The following SDK1 variants were observed in gnomAD, a reference collection of about 807,000 sequenced individuals.
SDK1 encodes protein sidekick-1.
Under a neutral mutation model 245.5 loss-of-function variants are expected in SDK1, and 157 were observed. The observed-to-expected ratio is 0.64, with a 90% CI of 0.56 to 0.73. SDK1 has a LOEUF of 0.73. Ranked by LOEUF, SDK1 falls within the 30% of genes least tolerant of loss-of-function variation. The pLI, the probability that SDK1 is intolerant of heterozygous loss-of-function variation, is 0.00. For missense variants in SDK1, 3,583 were observed against 3,002.3 expected (o/e 1.19, Z -4.52); for synonymous variants, 1,647 against 1,278.5 (o/e 1.29, Z -6.15).
At chr7:3,468,901 T>C (rs1024604557) in intron 1 of SDK1, among the ~76,000 whole-genome samples, 2 of 152,130 alleles carry the variant, frequency 1.3e-5, no homozygotes, top group African/African-American at 4.8e-5. Flanking sequence ...TTAGCATACC[T>C]TCAGAGGGTG....
chr7:3,853,228 G>A (rs1276269458), intron 5 of SDK1, among the ~76,000 whole-genome samples: 4 of 152,158 alleles, frequency 2.6e-5, no homozygotes, highest in African/African-American at 9.7e-5. Context: ...AAGATGGAAA[G>A]TAACCTATTG....
At chr7:3,391,966 A>AATATATATATAT (rs55768106) in intron 1 of SDK1, among the ~76,000 whole-genome samples, 31 of 144,028 alleles carry the variant, frequency 2.2e-4, no homozygotes, top group African/African-American at 8.0e-4. Flanking sequence ...TATATCATGT[A>AATATATATATAT]ATATATATAT....
chr7:3,652,292 G>C (rs1783035226), intron 4 of SDK1, among the ~76,000 whole-genome samples: 2 of 152,194 alleles, frequency 1.3e-5, no homozygotes, highest in South Asian at 4.1e-4. Context: ...TTCTCCAGTA[G>C]AGAAGGAGAA....
chr7:3,745,188 C>G (rs1779583795), intron 4 of SDK1, among the ~76,000 whole-genome samples: 1 of 152,184 alleles, frequency 6.6e-6, no homozygotes, highest in Middle Eastern at 3.2e-3. Flanking sequence ...CTCAAAGTCA[C>G]TTAGCTCAGT....
chr7:4,167,607 G>A (rs973682687), intron 32 of SDK1, among the ~76,000 whole-genome samples: 11 of 152,128 alleles, frequency 7.2e-5, no homozygotes, highest in Non-Finnish European at 1.3e-4. Context: ...GTTGAACTCC[G>A]GCAAGTCCCA....
At chr7:4,192,877 A>G (rs1012746307) in intron 35 of SDK1, among the ~76,000 whole-genome samples, 1 of 151,804 alleles carries the variant, frequency 6.6e-6, no homozygotes, top group Admixed American at 6.6e-5. Flanking sequence ...CAGACATCAT[A>G]TATAGAGGTT....
At chr7:3,545,681 A>G (rs1479626602) in intron 1 of SDK1, among the ~76,000 whole-genome samples, 3 of 152,190 alleles carry the variant, frequency 2.0e-5, no homozygotes, top group Non-Finnish European at 2.9e-5. Flanking sequence ...TGGCTGGTTC[A>G]GCATTTTACC....
chr7:3,905,410 T>A (rs950645333), intron 5 of SDK1, among the ~76,000 whole-genome samples: 20 of 152,226 alleles, frequency 1.3e-4, no homozygotes, highest in African/African-American at 4.8e-4. Context: ...CTTTCAATCC[T>A]TTGACACTTT....
At chr7:3,342,973 C>A (rs904619794) in intron 1 of SDK1, among the ~76,000 whole-genome samples, 5 of 140,866 alleles carry the variant, frequency 3.5e-5, no homozygotes, top group African/African-American at 1.1e-4. Context: ...AAATTAAAGC[C>A]ATAGGGAGAA....
intron 5 of SDK1, among the ~76,000 whole-genome samples, chr7:3,898,298 A>G (rs1781672264): frequency 6.6e-6 from 1 of 152,194 alleles, no homozygotes; most frequent in Non-Finnish European, 1.5e-5. Flanking sequence ...AACAGGTGCA[A>G]AGATTTTCTA....
intron 7 of SDK1, 107 bp downstream of exon 7, chr7:3,952,027 C>T (rs953489101): frequency 3.8e-6 from 4 of 1,042,248 alleles, no homozygotes; most frequent in East Asian, 2.6e-5. Context: ...ATTTGTAACT[C>T]GGCAAATGAA....
At chr7:4,158,041 G>A in intron 30 of SDK1, among the ~76,000 whole-genome samples, 1 of 152,178 alleles carries the variant, frequency 6.6e-6, no homozygotes, top group Non-Finnish European at 1.5e-5. Context: ...GGATCCCTTG[G>A]AGAGCAGTGA....
chr7:3,355,258 T>TA (rs1780760108), intron 1 of SDK1, among the ~76,000 whole-genome samples: 1 of 152,238 alleles, frequency 6.6e-6, no homozygotes, highest in Non-Finnish European at 1.5e-5. Context: ...ATTATGGAGT[T>TA]ACTTTTAAAA....
chr7:3,542,227 A>T (rs773425132), intron 1 of SDK1, among the ~76,000 whole-genome samples: 1 of 152,164 alleles, frequency 6.6e-6, no homozygotes, highest in Non-Finnish European at 1.5e-5. Flanking sequence ...CATAGCTTAG[A>T]TGTGCCTTGA....
chr7:3,339,423 T>C (rs1780286979), intron 1 of SDK1, among the ~76,000 whole-genome samples: 1 of 152,170 alleles, frequency 6.6e-6, no homozygotes, highest in Non-Finnish European at 1.5e-5. Flanking sequence ...ATATAGGACT[T>C]ACACAATTGA....
intron 30 of SDK1, among the ~76,000 whole-genome samples, chr7:4,157,699 CA>C (rs1316397941): frequency 6.6e-6 from 1 of 152,140 alleles, no homozygotes; most frequent in African/African-American, 2.4e-5. Flanking sequence ...TGAATATTGC[CA>C]TTTACTAGTC....
chr7:3,331,352 G>T (rs1035495113), intron 1 of SDK1, among the ~76,000 whole-genome samples: 2 of 152,196 alleles, frequency 1.3e-5, no homozygotes, highest in Admixed American at 1.3e-4. Context: ...TAATAAGTGT[G>T]AAGTGGTATT....
intron 4 of SDK1, among the ~76,000 whole-genome samples, chr7:3,731,411 C>T (rs1468266506): frequency 6.6e-6 from 1 of 152,184 alleles, no homozygotes; most frequent in Admixed American, 6.5e-5. Context: ...AATGTGGAGC[C>T]ACTGATCCCA....
At chr7:3,398,451 C>G (rs1778784735) in intron 1 of SDK1, among the ~76,000 whole-genome samples, 2 of 151,564 alleles carry the variant, frequency 1.3e-5, no homozygotes, top group Non-Finnish European at 2.9e-5. Flanking sequence ...GACAGGGATG[C>G]TAGAGGGGAC....
Sources: gnomAD v4.1 joint callset for allele counts (sites outside exome capture counted in the v4.1 genomes callset) on GRCh38, gnomAD v4.1.1 for gene constraint, MANE v1.5 for transcripts, NCBI Gene and HGNC (gene_info 2026-07-23, HGNC 2026-07-21) for gene names.